The following RUVBL1 variants were observed in gnomAD, a reference collection of about 807,000 sequenced individuals.
RUVBL1 encodes the protein RuvB like AAA ATPase 1, also known as ruvB-like 1.
In RUVBL1, 4 loss-of-function variants were observed where a neutral mutation model predicts 52.4. The ratio of observed to expected loss-of-function variants is 0.08; its 90% CI spans 0.04 to 0.17. The LOEUF is 0.17. RUVBL1 is among the 10% of genes least tolerant of loss of function. The pLI is 1.00. For missense variants in RUVBL1, 298 were observed against 572.8 expected (o/e 0.52, Z 4.90); for synonymous variants, 217 against 214.4 (o/e 1.01, Z -0.10).
At chr3:128,132,051 T>G (rs1019424659) in intron 1 of RUVBL1, among the ~76,000 whole-genome samples, 1 of 152,214 alleles carries the variant, frequency 6.6e-6, no homozygotes, top group Admixed American at 6.5e-5. Flanking sequence ...ATCCCCTGCC[T>G]GAGGCCTCAT....
Position 128,101,625 on chromosome 3 carries a change from A to T in RUVBL1, c.537T>A (p.Ser179Arg). 1 of 1,614,028 alleles carries T rather than the reference A, an allele frequency of 6.2e-7. No individual in the cohort carries two copies. The highest frequency in any genetic ancestry group is 8.5e-7 in the Non-Finnish European group (1 of 1,180,046). ...QLKLDPSIFE[S>R]LQKERVEAGD... is the part of the protein sequence containing the mutation. ...CAGCTTCTACTCGCTCTTTCTGCAAACTTTCAAAAATGCTGGGGTCCAGCT... is the reference window on the plus strand; with the variant it reads ...CAGCTTCTACTCGCTCTTTCTGCAATCTTTCAAAAATGCTGGGGTCCAGCT... Residue 179 changes from serine to arginine, a missense_variant, in exon 5 of 11, where the codon AGT becomes AGA. Ser to Arg is a moderately radical substitution (Grantham distance 110). Around this residue, in one of 5 missense-constraint regions of RUVBL1, gnomAD observed 58 missense variants for 83.2 expected, o/e 0.70. Transcript: ENST00000322623.
At chr3:128,130,429 C>A (rs1032701776) in intron 1 of RUVBL1, among the ~76,000 whole-genome samples, 1 of 151,590 alleles carries the variant, frequency 6.6e-6, no homozygotes, top group Non-Finnish European at 1.5e-5. Context: ...AGCCTAGAGC[C>A]GAATGGCTTA....
At chr3:128,125,626 G>A (rs989506261), upstream of RUVBL1, among the ~76,000 whole-genome samples, 2 of 152,156 alleles carry the variant, frequency 1.3e-5, no homozygotes, top group African/African-American at 2.4e-5. Flanking sequence ...TATTTTACAC[G>A]TTGGCTTTTA....
In RUVBL1 at chr3:128,068,837, G is replaced by C. The variant is rs1292722205; in HGVS notation, c.940-3617C>G. The C allele has an allele frequency of 2.6e-5, 4 of 152,494 alleles. No individual in the cohort carries two copies. In the East Asian group the frequency reaches 7.7e-4, roughly 29 times the overall value. 9.4% of individuals were successfully genotyped at this position (152,494 alleles called of 1,614,324 possible). A position where few individuals can be genotyped will look rare whatever the true frequency, so the allele number is the denominator to read the frequency against. On this transcript the variant is annotated intron_variant, in intron 9 of 9. Transcript: ENST00000464873. ...CAGAAGCAGCCACAGACAGACAACAGACAAATGAGCATGGCCGTGTTCCTA... is the reference window on the plus strand; with the variant it reads ...CAGAAGCAGCCACAGACAGACAACACACAAATGAGCATGGCCGTGTTCCTA...
chr3:128,147,582 CA>C (rs1944123948), intron 1 of RUVBL1, among the ~76,000 whole-genome samples: 1 of 152,044 alleles, frequency 6.6e-6, no homozygotes, highest in Non-Finnish European at 1.5e-5. Context: ...AAAACAAAAA[CA>C]AAAACAAGAC....
chr3:128,152,585 CG>C (rs925243373), intron 1 of RUVBL1, among the ~76,000 whole-genome samples: 14 of 152,128 alleles, frequency 9.2e-5, no homozygotes, highest in African/African-American at 3.1e-4. Flanking sequence ...GTAATATTAG[CG>C]GGCACTGTAG....
chr3:128,081,655 C>G lies in RUVBL1; in HGVS notation c.1212-246G>C. 1 of 484,620 alleles carries G rather than the reference C, an allele frequency of 2.1e-6. No individual in the cohort carries two copies. The highest frequency in any genetic ancestry group is 3.7e-6 in the Non-Finnish European group (1 of 271,872). The allele number at this position is 484,620 out of a possible 1,614,324, so 30.0% of individuals were successfully genotyped here. ...AGTGCTATTCCCCAAATCTTTAGTACAGTCTACAAATCCTCCAGTAGGAAG... is the reference window on the plus strand; with the variant it reads ...AGTGCTATTCCCCAAATCTTTAGTAGAGTCTACAAATCCTCCAGTAGGAAG... On this transcript the variant is annotated intron_variant, in intron 10 of 10. Coordinates refer to ENST00000322623, the MANE Select transcript of RUVBL1 (RefSeq NM_003707.3). The surrounding 1 kb of genome is among the most constrained non-coding windows in gnomAD (Gnocchi z 4.8).
At chr3:128,129,973 C>T (rs1016943786) in intron 1 of RUVBL1, among the ~76,000 whole-genome samples, 3 of 152,098 alleles carry the variant, frequency 2.0e-5, no homozygotes, top group Non-Finnish European at 2.9e-5. Context: ...GTACCTAAAG[C>T]CGCCTAACTG....
In RUVBL1 at chr3:128,098,877, C is replaced by T. The variant is rs761019477; in HGVS notation, c.817+5G>A. ...CTTGCTCACAGGGCACACTGGTTCTCCTACCTGTGATTTCTGTCTTCTTTG... is the reference window on the plus strand; with the variant it reads ...CTTGCTCACAGGGCACACTGGTTCTTCTACCTGTGATTTCTGTCTTCTTTG... On this transcript the variant is annotated splice_donor_5th_base_variant and intron_variant, in intron 7 of 10. Transcript: ENST00000322623. 1 of 1,613,754 alleles carries T rather than the reference C, an allele frequency of 6.2e-7. No individual in the cohort carries two copies. The highest frequency in any genetic ancestry group is 2.2e-5 in the East Asian group (1 of 44,868).
At chr3:128,121,326 C>G (rs1943641976) in intron 1 of RUVBL1, among the ~76,000 whole-genome samples, 1 of 151,642 alleles carries the variant, frequency 6.6e-6, no homozygotes, top group African/African-American at 2.4e-5. Flanking sequence ...AAACTCCTGA[C>G]CTCAGGTGAT....
chr3:128,152,699 T>A (rs1944242573), intron 1 of RUVBL1, among the ~76,000 whole-genome samples: 1 of 152,126 alleles, frequency 6.6e-6, no homozygotes, highest in Non-Finnish European at 1.5e-5. Flanking sequence ...CTAGTCTCGC[T>A]GACTTCAAGA....
chr3:128,089,353 A>G (rs1275795965), intron 8 of RUVBL1, among the ~76,000 whole-genome samples: 1 of 152,204 alleles, frequency 6.6e-6, no homozygotes, highest in African/African-American at 2.4e-5. Context: ...CAAGTGCTGT[A>G]GGCTTCTGCC....
intron 1 of RUVBL1, among the ~76,000 whole-genome samples, chr3:128,121,240 C>T (rs1576476666): frequency 6.6e-6 from 1 of 151,522 alleles, no homozygotes; most frequent in Non-Finnish European, 1.5e-5. Context: ...AGACTACAGG[C>T]GCATACCACC....
chr3:128,136,227 GA>G (rs34424228), intron 1 of RUVBL1, among the ~76,000 whole-genome samples: 27 of 144,294 alleles, frequency 1.9e-4, no homozygotes, highest in African/African-American at 5.6e-4. Flanking sequence ...CAAATAATCA[GA>G]AAAAAAAAAC....
intron 3 of RUVBL1, 34 bp from the exon 4 acceptor site, chr3:128,104,958 G>C (rs1164062500): frequency 6.3e-7 from 1 of 1,579,812 alleles, no homozygotes; most frequent in Non-Finnish European, 8.7e-7. Context: ...ATGGTGAGAA[G>C]CAGAATCTTT....
Position 128,100,621 on chromosome 3 carries a change from A to G in RUVBL1, c.727T>C (p.Leu243=), listed in dbSNP as rs755999041. The change falls in exon 6 of 11, where the codon TTG becomes CTG. Residue 243 remains leucine (L), a synonymous_variant. Coordinates refer to ENST00000322623, the MANE Select transcript of RUVBL1 (RefSeq NM_003707.3). ...EIIQDVTLHD[L]DVANARPQGG... is the part of the protein sequence containing the mutation. ...TGGGGCCGCGCATTAGCCACATCCA[A>G]GTCATGCAAGGTCACATCTTGGATG... 1 of 1,612,100 alleles carries G rather than the reference A, an allele frequency of 6.2e-7. No individual in the cohort carries two copies.
intron 9 of RUVBL1, chr3:128,069,749 T>C (rs1942100736): frequency 9.3e-7 from 1 of 1,071,380 alleles, no homozygotes; most frequent in African/African-American, 1.6e-5. Context: ...CTGCGGCATA[T>C]GGACTTTTAA....
Position 128,082,443 on chromosome 3 carries a change from G to T in RUVBL1, c.1211+40C>A. ...AATGACCCCAGCGAGGGCCCTGGCT[G>T]TGCTGGGGAGGCCCCGGCGGGCCCA... is the stretch of plus-strand genomic sequence containing the variant. On this transcript the variant is annotated intron_variant, in intron 10 of 10. Coordinates refer to ENST00000322623, the MANE Select transcript of RUVBL1 (RefSeq NM_003707.3). The surrounding 1 kb of genome is among the most constrained non-coding windows in gnomAD (Gnocchi z 4.7). 6.7e-7 allele frequency: 1 copy of T among 1,489,804 alleles called. No individual in the cohort carries two copies. Among genetic ancestry groups the T allele is most frequent in the Non-Finnish European group, 9.4e-7 (1 of 1,068,044 alleles). The allele number at this position is 1,489,804 out of a possible 1,614,324, so 92.3% of individuals were successfully genotyped here. A position where few individuals can be genotyped will look rare whatever the true frequency, so the allele number is the denominator to read the frequency against.
intron 2 of RUVBL1, among the ~76,000 whole-genome samples, chr3:128,116,496 T>C (rs1056707264): frequency 7.0e-6 from 1 of 143,090 alleles, no homozygotes; most frequent in Non-Finnish European, 1.5e-5. Flanking sequence ...GCCACTGTAC[T>C]CCACCCTGGG....
Sources: allele counts gnomAD v4.1 joint callset (sites outside exome capture counted in the v4.1 genomes callset), GRCh38; gene constraint gnomAD v4.1.1; regional missense constraint gnomAD v4.1.1; non-coding constraint Gnocchi (gnomAD v3.1); transcripts MANE v1.5; gene names NCBI Gene and HGNC (gene_info 2026-07-23, HGNC 2026-07-21).